Variants in ZFAND3 observed in about 807,000 individuals in gnomAD.
ZFAND3 encodes the protein zinc finger AN1-type containing 3, also known as AN1-type zinc finger protein 3.
Under a neutral mutation model 29.6 loss-of-function variants are expected in ZFAND3, and 10 were observed. The observed-to-expected ratio is 0.34, with a 90% CI of 0.21 to 0.57. ZFAND3 has a LOEUF of 0.57. Ranked by LOEUF, ZFAND3 falls within the 20% of genes least tolerant of loss-of-function variation. The probability of loss-of-function intolerance (pLI) is 0.86; values close to 1 mark genes in which losing one functional copy is unlikely to be tolerated. For missense variants in ZFAND3, 230 were observed against 304.5 expected, an observed-to-expected ratio of 0.76 and a Z score of 1.82; for synonymous variants, 128 against 112.6, an observed-to-expected ratio of 1.14 and a Z score of -0.87.
At position 38,070,845 on chromosome 6, in the gene ZFAND3, GT is replaced by G. The variant is rs546228966; in HGVS notation, c.295+9076del. Among the ~76,000 whole-genome samples, 39 of 151,966 alleles carry G rather than the reference GT, an allele frequency of 2.6e-4. 1 individual carries two copies. The highest frequency in any genetic ancestry group is 8.7e-4 in the African/African-American group (36 of 41,470). ...CCACAGCATTACCAATATTAGGTGG[GT>G]TTTTTCTTTGTTTCTTCTTCTTTTT... On this transcript the variant is annotated intron_variant, in intron 3 of 5. Coordinates refer to ENST00000287218, the MANE Select transcript of ZFAND3 (RefSeq NM_021943.3).
chr6:38,115,336 G>A (rs1450272010), intron 4 of ZFAND3, among the ~76,000 whole-genome samples: 1 of 152,246 alleles, frequency 6.6e-6, no homozygotes, highest in Non-Finnish European at 1.5e-5. Context: ...AGCAGGAGCT[G>A]AGCGTGGGGC....
At chr6:37,998,552 G>GA (rs1265743252) in intron 2 of ZFAND3, among the ~76,000 whole-genome samples, 3 of 151,730 alleles carry the variant, frequency 2.0e-5, no homozygotes, top group Non-Finnish European at 2.9e-5. Flanking sequence ...GAGGGGGAGA[G>GA]AAAAAAATGC....
chr6:37,963,201 A>G (rs772688248), intron 2 of ZFAND3, among the ~76,000 whole-genome samples: 19 of 152,228 alleles, frequency 1.2e-4, no homozygotes, highest in Non-Finnish European at 2.1e-4. Context: ...CATGTAGCCT[A>G]TGGAACACCA....
intron 2 of ZFAND3, among the ~76,000 whole-genome samples, chr6:37,993,274 C>T (rs1460518549): frequency 6.6e-6 from 1 of 151,888 alleles, no homozygotes; most frequent in East Asian, 1.9e-4. Context: ...AAAAATACAA[C>T]CTTTGCTGAT....
At chr6:38,014,516 G>A (rs1233320009) in intron 2 of ZFAND3, among the ~76,000 whole-genome samples, 2 of 151,850 alleles carry the variant, frequency 1.3e-5, no homozygotes, top group South Asian at 2.1e-4. Context: ...TAGTAGAGAC[G>A]GGGTTTTGTC....
intron 1 of ZFAND3, among the ~76,000 whole-genome samples, chr6:37,837,654 G>A (rs746504046): frequency 1.3e-5 from 2 of 152,000 alleles, no homozygotes; most frequent in Non-Finnish European, 2.9e-5. Flanking sequence ...ACAGGCATGC[G>A]CCACCACACC....
chr6:37,820,079 T>A, intron 1 of ZFAND3, 63 bp downstream of exon 1: 1 of 1,028,606 alleles, frequency 9.7e-7, no homozygotes, highest in Non-Finnish European at 1.2e-6. Context: ...CAGGGCAGCC[T>A]GGGCAGGCCT....
At chr6:38,010,413 A>G (rs1392594898) in intron 2 of ZFAND3, among the ~76,000 whole-genome samples, 4 of 152,144 alleles carry the variant, frequency 2.6e-5, no homozygotes, top group Non-Finnish European at 4.4e-5. Context: ...TTGAGGAGCC[A>G]TTGTACAGGA....
At chr6:38,025,723 G>C (rs575408772) in intron 2 of ZFAND3, among the ~76,000 whole-genome samples, 2 of 152,308 alleles carry the variant, frequency 1.3e-5, no homozygotes, top group South Asian at 4.1e-4. Flanking sequence ...CCACAACATA[G>C]ATGAATTTTG....
At chr6:37,855,589 T>C (rs1022277329) in intron 1 of ZFAND3, among the ~76,000 whole-genome samples, 1 of 152,200 alleles carries the variant, frequency 6.6e-6, no homozygotes, top group East Asian at 1.9e-4. Context: ...GTTTTGATGT[T>C]AGAGACTTTT....
chr6:37,860,366 A>C (rs887842119), intron 1 of ZFAND3, among the ~76,000 whole-genome samples: 1 of 152,036 alleles, frequency 6.6e-6, no homozygotes, highest in Admixed American at 6.6e-5. Context: ...GAAATTCCAG[A>C]ATTTCAAAAA....
chr6:38,141,053 C>T (rs766446545), intron 5 of ZFAND3, among the ~76,000 whole-genome samples: 6 of 143,946 alleles, frequency 4.2e-5, no homozygotes, highest in Non-Finnish European at 7.5e-5. Flanking sequence ...CCTTGCAGTT[C>T]AGATTTTGTG....
intron 1 of ZFAND3, among the ~76,000 whole-genome samples, chr6:37,866,080 T>C (rs1764585706): frequency 1.3e-5 from 2 of 152,108 alleles, no homozygotes; most frequent in Admixed American, 6.6e-5. Flanking sequence ...TTCTGCCTCC[T>C]CCTCCGCCTC....
intron 2 of ZFAND3, among the ~76,000 whole-genome samples, chr6:38,059,557 A>G (rs1173302632): frequency 6.6e-6 from 1 of 152,078 alleles, no homozygotes; most frequent in East Asian, 1.9e-4. Flanking sequence ...TGCTATTCTG[A>G]ATTACGCTAA....
chr6:38,110,402 C>T (rs1433851961), intron 4 of ZFAND3, among the ~76,000 whole-genome samples: 5 of 151,832 alleles, frequency 3.3e-5, no homozygotes, highest in Non-Finnish European at 5.9e-5. Flanking sequence ...GCATATACCC[C>T]GAAAGCAAAG....
chr6:37,884,964 A>G (rs181370070), intron 1 of ZFAND3, among the ~76,000 whole-genome samples: 13 of 152,332 alleles, frequency 8.5e-5, no homozygotes, highest in African/African-American at 3.1e-4. Flanking sequence ...TGAGATGAGT[A>G]AATCTAACAA....
At chr6:37,842,549 G>A (rs1018858909) in intron 1 of ZFAND3, among the ~76,000 whole-genome samples, 1 of 151,948 alleles carries the variant, frequency 6.6e-6, no homozygotes. Flanking sequence ...TATACAACCA[G>A]TTTCTCTATT....
chr6:38,032,652 A>AT (rs554187697), intron 2 of ZFAND3, among the ~76,000 whole-genome samples: 103 of 152,360 alleles, frequency 6.8e-4, no homozygotes, highest in Non-Finnish European at 9.6e-4. Flanking sequence ...AAAAGCTAAC[A>AT]TTAAGAGCAG....
intron 2 of ZFAND3, among the ~76,000 whole-genome samples, chr6:38,045,062 A>ATTTATTTATTTATTTT (rs1561978619): frequency 2.3e-5 from 3 of 132,494 alleles, no homozygotes; most frequent in African/African-American, 8.1e-5. Context: ...TCTTTTATTT[A>ATTTATTTATTTATTTT]TTTATTTATT....
Sources: allele counts gnomAD v4.1 joint callset (sites outside exome capture counted in the v4.1 genomes callset), GRCh38; gene constraint gnomAD v4.1.1; transcripts MANE v1.5; gene names NCBI Gene and HGNC (gene_info 2026-07-23, HGNC 2026-07-21).